The following GRK5 variants were observed in gnomAD, a reference collection of about 807,000 sequenced individuals.
GRK5 encodes the protein g protein-coupled receptor kinase GRK5.
A neutral mutation model predicts 78.4 loss-of-function variants in GRK5; 40 were observed. The observed-to-expected ratio is 0.51, with a 90% CI of 0.40 to 0.66. The LOEUF (loss-of-function observed/expected upper bound fraction) is 0.66, where lower values mean the gene tolerates loss of function less well. Ranked by LOEUF, GRK5 falls within the 30% of genes least tolerant of loss-of-function variation. GRK5 has a pLI of 0.00. For synonymous variants in GRK5, 289 were observed against 296.8 expected, an observed-to-expected ratio of 0.97 and a Z score of 0.27; for missense variants, 598 against 759.9, an observed-to-expected ratio of 0.79 and a Z score of 2.50.
chr10:119,394,186 CTG>C (rs1169930999), intron 3 of GRK5, among the ~76,000 whole-genome samples: 6 of 15,560 alleles, frequency 3.9e-4, no homozygotes, highest in South Asian at 2.3e-3. Context: ...GTGTGGGTGT[CTG>C]TGTATGGGGG....
intron 1 of GRK5, among the ~76,000 whole-genome samples, chr10:119,281,180 T>C (rs905158900): frequency 3.2e-5 from 4 of 123,976 alleles, no homozygotes; most frequent in African/African-American, 1.2e-4. Flanking sequence ...TCTAGATGGA[T>C]TTGCCACCAT....
At chr10:119,250,973 A>G (rs141821600) in intron 1 of GRK5, among the ~76,000 whole-genome samples, 41 of 152,270 alleles carry the variant, frequency 2.7e-4, no homozygotes, top group African/African-American at 9.4e-4. Context: ...CCCATGTTCC[A>G]TCAGCGCGTC....
intron 3 of GRK5, among the ~76,000 whole-genome samples, chr10:119,394,405 CAT>C (rs1851980154): frequency 8.4e-5 from 1 of 11,918 alleles, no homozygotes; most frequent in African/African-American, 3.2e-4. Context: ...TGTGTGTGGG[CAT>C]GTGTGTGGGG....
chr10:119,320,007 A>G (rs1850556482), intron 1 of GRK5, among the ~76,000 whole-genome samples: 1 of 152,238 alleles, frequency 6.6e-6, no homozygotes, highest in Non-Finnish European at 1.5e-5. Context: ...GTCTGACCTG[A>G]GCTGGGAGAG....
chr10:119,318,538 G>A (rs1240433102), intron 1 of GRK5, among the ~76,000 whole-genome samples: 3 of 152,176 alleles, frequency 2.0e-5, no homozygotes, highest in African/African-American at 7.2e-5. Context: ...GGCTTTGTCA[G>A]TGTCCTTTGG....
intron 1 of GRK5, among the ~76,000 whole-genome samples, chr10:119,240,079 T>C (rs1363081617): frequency 6.6e-6 from 1 of 152,170 alleles, no homozygotes. Context: ...CTCTAGATCC[T>C]TGAGGAATCA....
At chr10:119,447,796 C>CCTT (rs1853186403) in intron 12 of GRK5, among the ~76,000 whole-genome samples, 1 of 152,200 alleles carries the variant, frequency 6.6e-6, no homozygotes, top group South Asian at 2.1e-4. Context: ...TTGATGCAGT[C>CCTT]CTTGCCTTTT....
chr10:119,398,023 TA>T (rs1204740659), intron 4 of GRK5, among the ~76,000 whole-genome samples: 1 of 152,254 alleles, frequency 6.6e-6, no homozygotes, highest in Non-Finnish European at 1.5e-5. Context: ...AAAACACTTC[TA>T]GGCATAGAAT....
intron 2 of GRK5, among the ~76,000 whole-genome samples, chr10:119,340,169 C>T (rs941628300): frequency 1.3e-5 from 2 of 152,000 alleles, no homozygotes; most frequent in African/African-American, 4.8e-5. Flanking sequence ...ACTCCGTCAC[C>T]CATTCTGGAG....
In GRK5 at chr10:119,457,304, T is replaced by A. The variant is rs986782259; in HGVS notation, c.*2237T>A. 5 of 152,216 alleles carry A rather than the reference T, an allele frequency of 3.3e-5. No individual in the cohort carries two copies. The highest frequency in any genetic ancestry group is 1.2e-4 in the African/African-American group (5 of 41,420). The allele number at this position is 152,216 out of a possible 1,614,324, so 9.4% of individuals were successfully genotyped here. A position where few individuals can be genotyped will look rare whatever the true frequency, so the allele number is the denominator to read the frequency against. On this transcript the variant is annotated 3_prime_UTR_variant, in exon 16 of 16. Transcript: ENST00000392870. ...TTGGTGTTGGGAAGCAGCCTCTTTT[T>A]ATTCCTGAAAGGCAATGCCCTGTCC... is the stretch of plus-strand genomic sequence containing the variant.
intron 10 of GRK5, among the ~76,000 whole-genome samples, chr10:119,441,007 C>T (rs1033599345): frequency 6.6e-6 from 1 of 152,196 alleles, no homozygotes; most frequent in Admixed American, 6.5e-5. Context: ...ACTGGGTCTC[C>T]TCCCACCAGG....
In GRK5 at chr10:119,253,474, G is replaced by A. The variant is rs922997099; in HGVS notation, c.52+45505G>A. On this transcript the variant is annotated intron_variant, in intron 1 of 15. Coordinates refer to ENST00000392870, the MANE Select transcript of GRK5 (RefSeq NM_005308.3). The surrounding 1 kb of genome is among the most constrained non-coding windows in gnomAD (Gnocchi z 5.7). Reference sequence around the variant, plus strand: ...TTAAATCAGAAGCTTAGGCTCCTCCGTGTAGCTGCTCTATTTTTCATGCCT... The same window carrying A: ...TTAAATCAGAAGCTTAGGCTCCTCCATGTAGCTGCTCTATTTTTCATGCCT... Among the ~76,000 whole-genome samples, 43 of 152,282 alleles carry A rather than the reference G, an allele frequency of 2.8e-4. No homozygotes were observed. Among genetic ancestry groups the A allele is most frequent in the African/African-American group, 1.0e-3 (43 of 41,542 alleles).
intron 2 of GRK5, among the ~76,000 whole-genome samples, chr10:119,375,304 C>G (rs1281653381): frequency 6.6e-6 from 1 of 152,188 alleles, no homozygotes; most frequent in African/African-American, 2.4e-5. Flanking sequence ...CTCCTCCCAG[C>G]CTCAAGCCCC....
intron 1 of GRK5, among the ~76,000 whole-genome samples, chr10:119,261,398 G>A (rs1849396697): frequency 6.9e-6 from 1 of 145,464 alleles, no homozygotes; most frequent in African/African-American, 2.6e-5. Flanking sequence ...GGGCAGAGAC[G>A]CTCCTCACTT....
intron 1 of GRK5, among the ~76,000 whole-genome samples, chr10:119,232,198 G>A (rs1210608528): frequency 6.6e-6 from 1 of 152,146 alleles, no homozygotes; most frequent in African/African-American, 2.4e-5. Flanking sequence ...GGAACTGGAG[G>A]GCATTATGCT....
intron 11 of GRK5, among the ~76,000 whole-genome samples, chr10:119,442,568 G>T (rs1853059691): frequency 6.6e-6 from 1 of 152,240 alleles, no homozygotes; most frequent in Non-Finnish European, 1.5e-5. Context: ...CGTCCTGGGG[G>T]TTGCAGGGAA....
At chr10:119,318,347 T>A (rs1850526539) in intron 1 of GRK5, among the ~76,000 whole-genome samples, 1 of 152,220 alleles carries the variant, frequency 6.6e-6, no homozygotes, top group African/African-American at 2.4e-5. Flanking sequence ...TTGAACTAGA[T>A]GACATGTTAC....
chr10:119,221,302 C>CT (rs751162224), intron 1 of GRK5, among the ~76,000 whole-genome samples: 2 of 152,194 alleles, frequency 1.3e-5, no homozygotes, highest in Non-Finnish European at 2.9e-5. Context: ...CACATACGAA[C>CT]ATCTAGATAG....
chr10:119,261,864 G>C (rs941959066), intron 1 of GRK5, among the ~76,000 whole-genome samples: 4 of 152,090 alleles, frequency 2.6e-5, no homozygotes, highest in Admixed American at 6.6e-5. Context: ...GTCCAGCTTC[G>C]GCTCGGCATG....
Sources: allele counts gnomAD v4.1 joint callset (sites outside exome capture counted in the v4.1 genomes callset), GRCh38; gene constraint gnomAD v4.1.1; non-coding constraint Gnocchi (gnomAD v3.1); transcripts MANE v1.5; gene names NCBI Gene and HGNC (gene_info 2026-07-23, HGNC 2026-07-21).